The following GLUD1 variants were observed in gnomAD, a reference collection of about 807,000 sequenced individuals.
GLUD1 encodes the protein glutamate dehydrogenase 1, also known as glutamate dehydrogenase 1, mitochondrial.
Under a neutral mutation model 56.0 loss-of-function variants are expected in GLUD1, and 22 were observed. The observed-to-expected ratio is 0.39, with a 90% CI of 0.28 to 0.56. The LOEUF (loss-of-function observed/expected upper bound fraction) is 0.56, where lower values mean the gene tolerates loss of function less well. GLUD1 is among the 20% of genes least tolerant of loss of function. The pLI is 0.58. For synonymous variants in GLUD1, 223 were observed against 269.9 expected (o/e 0.83, Z 1.70); for missense variants, 451 against 732.0 (o/e 0.62, Z 4.43).
rs369296818 is a variant in GLUD1 at position 87,090,102 on chromosome 10, GT to G, written c.445+4222del. 2.6e-5 allele frequency among the ~76,000 whole-genome samples: 4 copies of G among 152,262 alleles called. No individual in the cohort carries two copies. In the East Asian group the frequency reaches 7.7e-4, roughly 29 times the overall value. ...ATAAATAGAAAAGAAGAACAGTCAC[GT>G]GGCAGAGACTAGTGTCTAGGATTTT... is the stretch of plus-strand genomic sequence containing the variant. On this transcript the variant is annotated intron_variant, in intron 1 of 12. Coordinates refer to ENST00000277865, the MANE Select transcript of GLUD1 (RefSeq NM_005271.5).
rs1845630393 is a variant in GLUD1, at chr10:87,051,467, A to T, written c.*284T>A. ...CTGATTGTGTTGGGAAAAGCCACAGAGCAAGGCTGCACAGCCAGATAAAGG... is the reference window on the plus strand; with the variant it reads ...CTGATTGTGTTGGGAAAAGCCACAGTGCAAGGCTGCACAGCCAGATAAAGG... On this transcript the variant is annotated 3_prime_UTR_variant, in exon 13 of 13. Coordinates refer to ENST00000277865, the MANE Select transcript of GLUD1 (RefSeq NM_005271.5). The T allele has an allele frequency of 2.2e-6, 1 of 460,992 alleles. No individual in the cohort carries two copies. Among genetic ancestry groups the T allele is most frequent in the Admixed American group, 3.4e-5 (1 of 29,296 alleles). 28.6% of individuals were successfully genotyped at this position (460,992 alleles called of 1,614,324 possible). A position where few individuals can be genotyped will look rare whatever the true frequency, so the allele number is the denominator to read the frequency against.
At chr10:87,068,426 C>A (rs897740541) in intron 4 of GLUD1, among the ~76,000 whole-genome samples, 12 of 152,210 alleles carry the variant, frequency 7.9e-5, no homozygotes, top group African/African-American at 2.9e-4. Context: ...ATATAAGCCA[C>A]TCCATAGGAT....
chr10:87,064,086 A>G (rs985403220), intron 5 of GLUD1, among the ~76,000 whole-genome samples: 2 of 152,084 alleles, frequency 1.3e-5, no homozygotes, highest in Non-Finnish European at 2.9e-5. Context: ...TTAGTAGAGT[A>G]GAGTATTTTT....
intron 1 of GLUD1, chr10:87,091,710 T>C (rs1841513315): frequency 4.4e-6 from 1 of 229,562 alleles, no homozygotes; most frequent in Non-Finnish European, 7.2e-6. Flanking sequence ...CTTATAACCA[T>C]CTGTTTCCCT....
intron 6 of GLUD1, 82 bp from the exon 7 acceptor site, chr10:87,061,134 C>A: frequency 7.9e-7 from 1 of 1,263,340 alleles, no homozygotes; most frequent in Non-Finnish European, 1.2e-6. Flanking sequence ...AATGTAAATC[C>A]ATACTCTGTT....
In GLUD1 at chr10:87,076,017, G is replaced by A. The variant is rs1476734168; in HGVS notation, c.533C>T (p.Pro178Leu). 1.3e-6 allele frequency: 2 copies of A among 1,598,976 alleles called. No homozygotes were observed. Among genetic ancestry groups the A allele is most frequent in the Non-Finnish European group, 1.7e-6 (2 of 1,172,252 alleles). ...MTYKCAVVDV[P>L]FGGAKAGVKI... The stretch of plus-strand genomic sequence containing the variant: ...AACACCAGCTTTAGCACCCCCAAAC[G>A]GCACATCTGAAAGAGAAGGCTGATG... The change falls in exon 3 of 13, where the codon CCG becomes CTG. Residue 178 changes from proline to leucine, a missense_variant. By Grantham distance (98) the Pro-to-Leu change is moderately conservative. Transcript: ENST00000277865.
chr10:87,051,429 CCCA>C lies in GLUD1; in HGVS notation c.*319_*321del, dbSNP rs1845629386. 6 of 414,172 alleles carry C rather than the reference CCCA, an allele frequency of 1.4e-5. No homozygotes were observed. Among genetic ancestry groups the C allele is most frequent in the South Asian group, 1.3e-4 (6 of 46,172 alleles). 25.7% of individuals were successfully genotyped at this position (414,172 alleles called of 1,614,324 possible). On this transcript the variant is annotated 3_prime_UTR_variant, in exon 13 of 13. Coordinates refer to ENST00000277865, the MANE Select transcript of GLUD1 (RefSeq NM_005271.5). Reference sequence around the variant, plus strand: ...AACTGACTGCTCTTGACTGTTCCTCCCCAGCACTAGCACTGATTGTGTTGGGAA... The same window carrying C: ...AACTGACTGCTCTTGACTGTTCCTCCGCACTAGCACTGATTGTGTTGGGAA...
chr10:87,068,309 T>C (rs1846133389), intron 4 of GLUD1, 152 bp from the exon 5 acceptor site: 7 of 652,584 alleles, frequency 1.1e-5, no homozygotes. Flanking sequence ...CATAGAAATA[T>C]TCATTAAATG....
intron 1 of GLUD1, among the ~76,000 whole-genome samples, chr10:87,088,790 AT>A (rs1841446345): frequency 6.6e-6 from 1 of 152,228 alleles, no homozygotes; most frequent in African/African-American, 2.4e-5. Context: ...TAAACAAAGC[AT>A]TTTCTTAGTT....
chr10:87,060,188 G>A lies in GLUD1; in HGVS notation c.1251C>T (p.Phe417=), dbSNP rs757758478. The change falls in exon 9 of 13, where the codon TTC becomes TTT. Residue 417 remains phenylalanine (F), a synonymous_variant. Transcript: ENST00000277865. ...GPTTPEADKI[F]LERNIMVIPD... ...GAATAACCATAATGTTTCTCTCCAG[G>A]AAGATCTTGTCAGCTTCTGGAGTTG... 6.2e-7 allele frequency: 1 copy of A among 1,607,908 alleles called. No individual in the cohort carries two copies. Among genetic ancestry groups the A allele is most frequent in the South Asian group, 1.1e-5 (1 of 90,914 alleles).
At chr10:87,085,404 T>C (rs1379937026) in intron 1 of GLUD1, among the ~76,000 whole-genome samples, 1 of 150,478 alleles carries the variant, frequency 6.6e-6, no homozygotes, top group African/African-American at 2.4e-5. Flanking sequence ...GCAGCATCAA[T>C]GTACTGTTTT....
chr10:87,056,737 C>T (rs1313855979), intron 11 of GLUD1, among the ~76,000 whole-genome samples: 1 of 151,580 alleles, frequency 6.6e-6, no homozygotes, highest in Non-Finnish European at 1.5e-5. Flanking sequence ...TTCCAAAGAG[C>T]TGCACCAATC....
At chr10:87,074,449 C>G in intron 4 of GLUD1, 102 bp downstream of exon 4, 1 of 757,872 alleles carries the variant, frequency 1.3e-6, no homozygotes, top group South Asian at 1.4e-5. Context: ...GATCGCACCA[C>G]TGCACTCTAG....
At chr10:87,075,362 G>A (rs529761239) in intron 3 of GLUD1, among the ~76,000 whole-genome samples, 4 of 152,098 alleles carry the variant, frequency 2.6e-5, no homozygotes, top group South Asian at 2.1e-4. Flanking sequence ...TATTAATTAC[G>A]TTTTAACTAA....
chr10:87,092,945 T>C (rs1841551689), intron 1 of GLUD1, among the ~76,000 whole-genome samples: 1 of 152,134 alleles, frequency 6.6e-6, no homozygotes, highest in Non-Finnish European at 1.5e-5. Flanking sequence ...AGACTGACGG[T>C]GTGTACATTT....
chr10:87,078,300 C>G (rs772822416), intron 1 of GLUD1, among the ~76,000 whole-genome samples: 9 of 152,232 alleles, frequency 5.9e-5, no homozygotes, highest in East Asian at 1.9e-4. Flanking sequence ...CTGTATAGCT[C>G]ACTCCCCCAT....
chr10:87,080,699 C>T (rs1589377681), intron 1 of GLUD1, among the ~76,000 whole-genome samples: 1 of 150,136 alleles, frequency 6.7e-6, no homozygotes, highest in Non-Finnish European at 1.5e-5. Context: ...ACCCTCTGCC[C>T]GGCAACCGCC....
At chr10:87,069,188 G>A (rs1031321817) in intron 4 of GLUD1, among the ~76,000 whole-genome samples, 21 of 151,430 alleles carry the variant, frequency 1.4e-4, no homozygotes, top group African/African-American at 4.1e-4. Flanking sequence ...ATACAAACTC[G>A]TTTTTACAAA....
intron 5 of GLUD1, among the ~76,000 whole-genome samples, chr10:87,067,058 T>C (rs1846097124): frequency 6.6e-6 from 1 of 152,232 alleles, no homozygotes; most frequent in South Asian, 2.1e-4. Flanking sequence ...CTCTGGCTCC[T>C]GGACTTGGTG....
Sources: gnomAD v4.1 joint callset for allele counts (sites outside exome capture counted in the v4.1 genomes callset) on GRCh38, gnomAD v4.1.1 for gene constraint, MANE v1.5 for transcripts, NCBI Gene and HGNC (gene_info 2026-07-23, HGNC 2026-07-21) for gene names.